The following SPART variants were observed in gnomAD, a reference collection of about 807,000 sequenced individuals.
SPART encodes the protein spastic paraplegia 20 (Troyer syndrome).
Under a neutral mutation model 58.7 loss-of-function variants are expected in SPART, and 35 were observed. That is an observed-to-expected ratio of 0.60 (90% confidence interval 0.46 to 0.79). The LOEUF is 0.79. Ranked by LOEUF, SPART falls within the 30% of genes least tolerant of loss-of-function variation. The pLI, the probability that SPART is intolerant of heterozygous loss-of-function variation, is 0.00. For synonymous variants in SPART, 284 were observed against 280.7 expected (o/e 1.01, Z -0.12); for missense variants, 730 against 786.1 (o/e 0.93, Z 0.85).
chr13:36,314,202 G>C, intron 6 of SPART, 25 bp downstream of exon 6: 1 of 1,603,600 alleles, frequency 6.2e-7, no homozygotes, highest in South Asian at 1.1e-5. Flanking sequence ...ACTTTAAAAA[G>C]TAAAGTTATC....
intron 5 of SPART, among the ~76,000 whole-genome samples, chr13:36,321,580 C>G (rs1169917610): frequency 6.6e-6 from 1 of 152,098 alleles, no homozygotes; most frequent in Admixed American, 6.5e-5. Flanking sequence ...TCAGCTTAAT[C>G]TCTCCCACTC....
rs771004792 is a variant in SPART at position 36,326,706 on chromosome 13, G to A, written c.1165-8C>T. On this transcript the variant is annotated splice_region_variant and splice_polypyrimidine_tract_variant and intron_variant, in intron 4 of 8. Coordinates refer to ENST00000438666, the MANE Select transcript of SPART (RefSeq NM_015087.5). ...ACTTGAAGTATCTTTAGCCTAAACA[G>A]TAAAAATGTTTCAAAATGTGAAGAG... 6.8e-6 allele frequency: 11 copies of A among 1,611,972 alleles called. No homozygotes were observed. Among genetic ancestry groups the A allele is most frequent in the Non-Finnish European group, 2.5e-6 (3 of 1,179,550 alleles).
chr13:36,332,463 C>T (rs1883550684), intron 2 of SPART, among the ~76,000 whole-genome samples: 1 of 152,106 alleles, frequency 6.6e-6, no homozygotes, highest in Admixed American at 6.5e-5. Context: ...AAGATTGTGC[C>T]ACTGCACTCC....
intron 2 of SPART, among the ~76,000 whole-genome samples, chr13:36,332,272 G>A (rs1566128562): frequency 6.6e-6 from 1 of 152,142 alleles, no homozygotes; most frequent in Non-Finnish European, 1.5e-5. Flanking sequence ...AGAGGTGGGG[G>A]GATTATTTGA....
rs151251154 is a variant in SPART at position 36,368,324 on chromosome 13, A to G, written c.-3+1765T>C. 2,705 of 301,010 alleles carry G rather than the reference A, an allele frequency of 9.0e-3. 15 individuals carry two copies. Among genetic ancestry groups the G allele is most frequent in the Middle Eastern group, 0.013 (31 of 2,440 alleles). The allele number at this position is 301,010 out of a possible 1,614,324, so 18.6% of individuals were successfully genotyped here. A position where few individuals can be genotyped will look rare whatever the true frequency, so the allele number is the denominator to read the frequency against. On this transcript the variant is annotated intron_variant, in intron 1 of 8. Transcript: ENST00000355182. ...AAACAAATCTGGAAGGCTTTTGAGG[A>G]AGAAGGACCATTAAAAAAGGTACAG...
intron 4 of SPART, among the ~76,000 whole-genome samples, chr13:36,328,872 T>C (rs1883193999): frequency 6.6e-6 from 1 of 152,162 alleles, no homozygotes; most frequent in Admixed American, 6.5e-5. Flanking sequence ...CCCAAGCTCT[T>C]AGTGAATATA....
At chr13:36,310,502 A>C (rs528128483) in intron 8 of SPART, among the ~76,000 whole-genome samples, 1 of 152,270 alleles carries the variant, frequency 6.6e-6, no homozygotes, top group Non-Finnish European at 1.5e-5. Context: ...TTGTTGCTTC[A>C]GCATTTATTT....
In SPART at chr13:36,317,659, C is replaced by T. The variant is rs556813358; in HGVS notation, c.1289-3238G>A. On this transcript the variant is annotated intron_variant, in intron 5 of 8. Transcript: ENST00000438666. Reference sequence around the variant, plus strand: ...AACCCCGAACCCCTTCCCTCCGTTTCTCTGCTCTCTCTTTTCTCTAGGCTT... The same window carrying T: ...AACCCCGAACCCCTTCCCTCCGTTTTTCTGCTCTCTCTTTTCTCTAGGCTT... Among the ~76,000 whole-genome samples the T allele has an allele frequency of 1.5e-4, 23 of 151,966 alleles. No homozygotes were observed. In the South Asian group the frequency reaches 4.8e-3, roughly 32 times the overall value.
At chr13:36,326,287 T>C in intron 5 of SPART, 1 of 392,394 alleles carries the variant, frequency 2.5e-6, no homozygotes, top group South Asian at 2.3e-5. Flanking sequence ...GAAACGAACA[T>C]AACTAATTTT....
At chr13:36,367,064 C>T (rs1172692649) in intron 1 of SPART, among the ~76,000 whole-genome samples, 1 of 152,200 alleles carries the variant, frequency 6.6e-6, no homozygotes, top group South Asian at 2.1e-4. Flanking sequence ...CCAAAATCCC[C>T]TAACAGCAGT....
In SPART at chr13:36,314,351, A is replaced by G. The variant is rs1245615204; in HGVS notation, c.1359T>C (p.Ala453=). The part of the protein sequence containing the change: ...EITGKAIQKG[A]SKLRERIQPE... ...GTTGAATCCGCTCTCGGAGTTTAGAAGCACCTTTCTGGATTGCCTTACCAG... is the reference window on the plus strand; with the variant it reads ...GTTGAATCCGCTCTCGGAGTTTAGAGGCACCTTTCTGGATTGCCTTACCAG... Residue 453 remains alanine (A), a synonymous_variant, in exon 6 of 9, where the codon GCT becomes GCC. Transcript: ENST00000438666. 6.2e-7 allele frequency: 1 copy of G among 1,614,018 alleles called. No homozygotes were observed. The highest frequency in any genetic ancestry group is 8.5e-7 in the Non-Finnish European group (1 of 1,180,012).
intron 4 of SPART, among the ~76,000 whole-genome samples, chr13:36,329,152 A>C (rs1883225289): frequency 6.6e-6 from 1 of 152,198 alleles, no homozygotes; most frequent in Non-Finnish European, 1.5e-5. Flanking sequence ...TCCCCCAAAC[A>C]CAGAGTATCT....
rs536473650 is a variant in SPART at position 36,323,757 on chromosome 13, C to T, written c.1288+2818G>A. Among the ~76,000 whole-genome samples, 20 of 152,250 alleles carry T rather than the reference C, an allele frequency of 1.3e-4. 1 individual carries two copies. In the South Asian group the frequency reaches 2.7e-3, roughly 21 times the overall value. On this transcript the variant is annotated intron_variant, in intron 5 of 8. Transcript: ENST00000438666. The stretch of plus-strand genomic sequence containing the variant: ...ACCTATTAAAAAGCTCATAAAGAGA[C>T]ATATACGCTGATAGGCAGTTAAATA...
chr13:36,368,347 C>G (rs562352361), intron 1 of SPART: 4 of 253,468 alleles, frequency 1.6e-5, no homozygotes, highest in Non-Finnish European at 3.4e-5. Flanking sequence ...AAAAAAGGTA[C>G]AGAAAGAATG....
chr13:36,331,718 T>C, intron 2 of SPART, 122 bp from the exon 3 acceptor site: 1 of 727,420 alleles, frequency 1.4e-6, no homozygotes, highest in Non-Finnish European at 2.2e-6. Flanking sequence ...AAACATATTT[T>C]AAAAGGCTTT....
chr13:36,357,509 A>G (rs1247525617), intron 1 of SPART, among the ~76,000 whole-genome samples: 1 of 152,248 alleles, frequency 6.6e-6, no homozygotes, highest in Admixed American at 6.5e-5. Context: ...TACGCTGTGC[A>G]GCCTGCAGCA....
At chr13:36,316,586 G>C (rs530544368) in intron 5 of SPART, among the ~76,000 whole-genome samples, 1 of 151,450 alleles carries the variant, frequency 6.6e-6, no homozygotes, top group Non-Finnish European at 1.5e-5. Context: ...ACTCCTACCT[G>C]ACAGAGAACA....
intron 1 of SPART, among the ~76,000 whole-genome samples, chr13:36,360,373 AGT>A (rs1885807013): frequency 6.6e-6 from 1 of 152,152 alleles, no homozygotes; most frequent in East Asian, 1.9e-4. Flanking sequence ...TACCCTAGTA[AGT>A]TCACTGGATT....
At chr13:36,317,134 T>C (rs759374146) in intron 5 of SPART, among the ~76,000 whole-genome samples, 1 of 152,168 alleles carries the variant, frequency 6.6e-6, no homozygotes, top group Non-Finnish European at 1.5e-5. Context: ...CCTTTAATCA[T>C]TGCAGGGATG....
Sources: gnomAD v4.1 joint callset for allele counts (sites outside exome capture counted in the v4.1 genomes callset) on GRCh38, gnomAD v4.1.1 for gene constraint, MANE v1.5 for transcripts, NCBI Gene and HGNC (gene_info 2026-07-23, HGNC 2026-07-21) for gene names.